Variants in STXBP6 observed in about 807,000 individuals in gnomAD.
STXBP6 encodes syntaxin-binding protein 6.
In STXBP6, 21 loss-of-function variants were observed where a neutral mutation model predicts 26.9. That is an observed-to-expected ratio of 0.78 (90% CI 0.55 to 1.12). STXBP6 has a LOEUF of 1.12. Among genes scored for constraint, STXBP6 ranks in the 50% most tolerant of loss-of-function variants. STXBP6 has a pLI of 0.00. For synonymous variants in STXBP6, 97 were observed against 92.6 expected (o/e 1.05, Z -0.27); for missense variants, 232 against 257.9 (o/e 0.90, Z 0.69).
chr14:25,043,675 C>T (rs965676532), intron 1 of STXBP6, among the ~76,000 whole-genome samples: 2 of 152,334 alleles, frequency 1.3e-5, no homozygotes, highest in Admixed American at 1.3e-4. Flanking sequence ...ATTGCGTACA[C>T]TTCATAATGG....
intron 2 of STXBP6, among the ~76,000 whole-genome samples, chr14:24,967,261 CAATA>C (rs1475488913): frequency 6.6e-6 from 1 of 152,170 alleles, no homozygotes; most frequent in African/African-American, 2.4e-5. Flanking sequence ...TGTCTGAACT[CAATA>C]AATACCACAA....
intron 1 of STXBP6, among the ~76,000 whole-genome samples, chr14:25,000,229 AT>A (rs1159107200): frequency 3.3e-5 from 5 of 151,638 alleles, no homozygotes; most frequent in South Asian, 2.1e-4. Flanking sequence ...CGCCTGGCTA[AT>A]TTTTTTGTAT....
At chr14:24,927,179 G>T (rs117849039) in intron 2 of STXBP6, among the ~76,000 whole-genome samples, 1,772 of 152,302 alleles carry the variant, frequency 0.012, 12 homozygotes, top group Non-Finnish European at 0.018. Context: ...TATTAAAGAA[G>T]ACTGTTTATG....
At chr14:24,859,504 A>G (rs139214634) in intron 2 of STXBP6, among the ~76,000 whole-genome samples, 326 of 152,226 alleles carry the variant, frequency 2.1e-3, no homozygotes, top group African/African-American at 7.6e-3. Flanking sequence ...CTTTTTGAGT[A>G]CATACTTGAG....
intron 2 of STXBP6, among the ~76,000 whole-genome samples, chr14:24,875,576 C>A (rs796484897): frequency 2.0e-5 from 3 of 152,068 alleles, no homozygotes; most frequent in African/African-American, 7.2e-5. Flanking sequence ...GAAATCTATT[C>A]TGTTGAAAGT....
At chr14:24,974,433 C>A (rs1285473028) in intron 2 of STXBP6, among the ~76,000 whole-genome samples, 3 of 152,176 alleles carry the variant, frequency 2.0e-5, no homozygotes, top group African/African-American at 7.2e-5. Context: ...TTTACGAAAG[C>A]TCTTAATGAA....
At chr14:24,887,398 G>C (rs927787276) in intron 2 of STXBP6, among the ~76,000 whole-genome samples, 2 of 152,120 alleles carry the variant, frequency 1.3e-5, no homozygotes, top group Admixed American at 6.5e-5. Flanking sequence ...TAATCTCATA[G>C]CAAAGATGAA....
In STXBP6 at chr14:25,050,059, A is replaced by AG. The variant is rs1426452014; in HGVS notation, c.-215dup. ...CCGGCTCCTGCTGCCGCGCGCGAAAAGGGAGGGGTTGGGGGGAAACTCCCG... is the reference window on the plus strand; with the variant it reads ...CCGGCTCCTGCTGCCGCGCGCGAAAAGGGGAGGGGTTGGGGGGAAACTCCCG... On this transcript the variant is annotated 5_prime_UTR_variant, in exon 1 of 6. Transcript: ENST00000323944. 5.6e-6 allele frequency: 1 copy of AG among 179,604 alleles called. No individual in the cohort carries two copies. The highest frequency in any genetic ancestry group is 1.1e-5 in the Non-Finnish European group (1 of 93,406). The allele number at this position is 179,604 out of a possible 1,614,324, so 11.1% of individuals were successfully genotyped here.
At chr14:24,972,710 AT>A (rs940434402) in intron 2 of STXBP6, among the ~76,000 whole-genome samples, 18 of 152,198 alleles carry the variant, frequency 1.2e-4, no homozygotes, top group African/African-American at 4.1e-4. Flanking sequence ...ATATGAAAAT[AT>A]TTTTAAGACC....
chr14:24,945,139 ATTTTTTTTT>A lies in STXBP6; in HGVS notation c.154+29517_154+29525del, dbSNP rs552562019. On this transcript the variant is annotated intron_variant, in intron 2 of 5. Coordinates refer to ENST00000323944, the MANE Select transcript of STXBP6 (RefSeq NM_001394410.1). ...TGGCATGTATATGAACCAATTAGGAATTTTTTTTTTTTTTTTTTTTTTTTTTTAGCAGAT... is the reference window on the plus strand; with the variant it reads ...TGGCATGTATATGAACCAATTAGGAATTTTTTTTTTTTTTTTTTAGCAGAT... Among the ~76,000 whole-genome samples, 48 of 100,718 alleles carry A rather than the reference ATTTTTTTTT, an allele frequency of 4.8e-4. 1 individual carries two copies. In the South Asian group the frequency reaches 0.013, roughly 26 times the overall value. 66.1% of individuals were successfully genotyped at this position (100,718 alleles called of 152,430 possible).
chr14:24,966,478 C>A (rs1479011597), intron 2 of STXBP6, among the ~76,000 whole-genome samples: 2 of 151,972 alleles, frequency 1.3e-5, no homozygotes, highest in Non-Finnish European at 2.9e-5. Context: ...AGCCACCTGA[C>A]CCTAGGCAGT....
intron 2 of STXBP6, among the ~76,000 whole-genome samples, chr14:24,860,488 C>A (rs2069496081): frequency 6.6e-6 from 1 of 152,048 alleles, no homozygotes; most frequent in South Asian, 2.1e-4. Flanking sequence ...CCACTTTTTC[C>A]AAAAAGCCAC....
At chr14:25,041,049 C>T (rs1433183602) in intron 1 of STXBP6, among the ~76,000 whole-genome samples, 3 of 152,122 alleles carry the variant, frequency 2.0e-5, no homozygotes, top group Non-Finnish European at 2.9e-5. Flanking sequence ...GGGCCAGGCG[C>T]GGTGGCTCAC....
chr14:24,920,752 A>G (rs1187174641), intron 2 of STXBP6, among the ~76,000 whole-genome samples: 1 of 151,984 alleles, frequency 6.6e-6, no homozygotes, highest in African/African-American at 2.4e-5. Context: ...ACCACCTCAC[A>G]GTCTCTTATC....
chr14:24,983,947 T>C (rs1009539369), intron 1 of STXBP6, among the ~76,000 whole-genome samples: 19 of 152,194 alleles, frequency 1.2e-4, no homozygotes, highest in African/African-American at 4.6e-4. Flanking sequence ...TTCTTTAAAG[T>C]ATTCTCTAAA....
chr14:24,891,166 G>A (rs959663272), intron 2 of STXBP6, among the ~76,000 whole-genome samples: 9 of 152,124 alleles, frequency 5.9e-5, no homozygotes, highest in Middle Eastern at 3.2e-3. Flanking sequence ...TGTTAATTAC[G>A]GATGCAAACA....
chr14:25,046,380 T>TAAAC (rs1239093185), intron 1 of STXBP6, among the ~76,000 whole-genome samples: 1 of 152,212 alleles, frequency 6.6e-6, no homozygotes, highest in African/African-American at 2.4e-5. Context: ...AAGACAGGTT[T>TAAAC]GGGCCTGAAA....
chr14:25,030,277 A>G (rs1232291781), intron 1 of STXBP6, among the ~76,000 whole-genome samples: 1 of 152,190 alleles, frequency 6.6e-6, no homozygotes, highest in Non-Finnish European at 1.5e-5. Flanking sequence ...CATCCAGGAC[A>G]GTACCCCATG....
At position 24,825,667 on chromosome 14, in the gene STXBP6, GCTAA is replaced by G. The variant is rs1445725628; in HGVS notation, c.452-6477_452-6474del. 6.6e-5 allele frequency among the ~76,000 whole-genome samples: 10 copies of G among 152,234 alleles called. No homozygotes were observed. The South Asian group carries it at 1.5e-3, about 22-fold the overall frequency. ...AGTCACAAGCATGTCTGCCCCAGAG[GCTAA>G]CTAAAGTCTCAGGAAAAAGCCCAAT... On this transcript the variant is annotated intron_variant, in intron 4 of 5. Transcript: ENST00000323944.
Sources: gnomAD v4.1 joint callset for allele counts (sites outside exome capture counted in the v4.1 genomes callset) on GRCh38, gnomAD v4.1.1 for gene constraint, MANE v1.5 for transcripts, NCBI Gene and HGNC (gene_info 2026-07-23, HGNC 2026-07-21) for gene names.